RRP12: variants seen among roughly 807,000 people sequenced by gnomAD.
The protein encoded by RRP12 is RRP12-like protein.
A neutral mutation model predicts 157.3 loss-of-function variants in RRP12; 78 were observed. The observed-to-expected ratio is 0.50, with a 90% confidence interval of 0.41 to 0.60. The LOEUF (loss-of-function observed/expected upper bound fraction) is 0.60, where lower values mean the gene tolerates loss of function less well. Among genes scored for constraint, RRP12 ranks in the 20% least tolerant of loss-of-function variants. The pLI, the probability that RRP12 is intolerant of heterozygous loss-of-function variation, is 0.00. For missense variants in RRP12, 1,521 were observed against 1,679.9 expected, an observed-to-expected ratio of 0.91 and a Z score of 1.65; for synonymous variants, 726 against 670.9, an observed-to-expected ratio of 1.08 and a Z score of -1.27.
rs749282608 is a variant in RRP12 at position 97,357,068 on chromosome 10, A to G, written c.*26T>C. ...GGCTGAAAGGGCCTCAGACTGGACC[A>G]CAGGGCAGCCCAGGGGCCCTGGGCC... On this transcript the variant is annotated 3_prime_UTR_variant, in exon 34 of 34. Coordinates refer to ENST00000370992, the MANE Select transcript of RRP12 (RefSeq NM_015179.4). The G allele has an allele frequency of 2.7e-6, 4 of 1,455,238 alleles. No individual in the cohort carries two copies. Among genetic ancestry groups the G allele is most frequent in the South Asian group, 2.3e-5 (2 of 86,972 alleles). 90.1% of individuals were successfully genotyped at this position (1,455,238 alleles called of 1,614,324 possible). A position where few individuals can be genotyped will look rare whatever the true frequency, so the allele number is the denominator to read the frequency against.
chr10:97,382,882 C>T (rs1470002739), intron 10 of RRP12, among the ~76,000 whole-genome samples: 1 of 152,072 alleles, frequency 6.6e-6, no homozygotes, highest in Non-Finnish European at 1.5e-5. Context: ...GTGCCTCAGC[C>T]TCCCAAGTAG....
At chr10:97,360,498 A>C in intron 31 of RRP12, 48 bp downstream of exon 31, 1 of 1,447,340 alleles carries the variant, frequency 6.9e-7, no homozygotes, top group Non-Finnish European at 9.7e-7. Flanking sequence ...TCCCTAATGC[A>C]GGTGACAGGG....
At chr10:97,372,866 T>C (rs1438458596) in intron 18 of RRP12, 63 bp from the exon 19 acceptor site, 54 of 1,502,054 alleles carry the variant, frequency 3.6e-5, no homozygotes, top group Non-Finnish European at 4.7e-5. Context: ...AAAGCAGCAA[T>C]GGCAGCAGTC....
At chr10:97,392,031 G>T (rs1844821263) in intron 4 of RRP12, among the ~76,000 whole-genome samples, 1 of 151,138 alleles carries the variant, frequency 6.6e-6, no homozygotes, top group South Asian at 2.1e-4. Flanking sequence ...TGGAGACAGG[G>T]TCTCACTCGT....
intron 8 of RRP12, 41 bp from the exon 9 acceptor site, chr10:97,386,034 C>G (rs1298119759): frequency 7.1e-7 from 1 of 1,401,098 alleles, no homozygotes; most frequent in Non-Finnish European, 9.9e-7. Flanking sequence ...ACTACAAAGC[C>G]CACGGCTGGC....
At chr10:97,376,902 C>T (rs1342234766) in intron 15 of RRP12, among the ~76,000 whole-genome samples, 2 of 145,796 alleles carry the variant, frequency 1.4e-5, no homozygotes, top group African/African-American at 2.5e-5. Context: ...TTTTTTGAGA[C>T]AGAGTCTCGC....
In RRP12 at chr10:97,367,475, G is replaced by A. The variant is rs976409361; in HGVS notation, c.2956-343C>T. ...CCCCCTATTTATAGAAGAGGACACG[G>A]CGGCACAGAGGATAAAGTGTTTGCT... On this transcript the variant is annotated intron_variant, in intron 25 of 33. Coordinates refer to ENST00000370992, the MANE Select transcript of RRP12 (RefSeq NM_015179.4). 116 of 319,072 alleles carry A rather than the reference G, an allele frequency of 3.6e-4. No individual in the cohort carries two copies. In the Middle Eastern group the frequency reaches 8.0e-3, roughly 22 times the overall value. The allele number at this position is 319,072 out of a possible 1,614,324, so 19.8% of individuals were successfully genotyped here.
chr10:97,387,744 C>A (rs1221300886), intron 8 of RRP12, among the ~76,000 whole-genome samples: 2 of 151,642 alleles, frequency 1.3e-5, no homozygotes, highest in Non-Finnish European at 2.9e-5. Context: ...AGTTCAAGAC[C>A]AGCCTGATCA....
At chr10:97,386,027 A>G in intron 8 of RRP12, 34 bp from the exon 9 acceptor site, 1 of 1,441,032 alleles carries the variant, frequency 6.9e-7, no homozygotes, top group Non-Finnish European at 9.6e-7. Context: ...GAAAGGAACT[A>G]CAAAGCCCAC....
intron 33 of RRP12, among the ~76,000 whole-genome samples, chr10:97,357,838 A>G (rs1281148032): frequency 6.6e-6 from 1 of 152,016 alleles, no homozygotes; most frequent in Non-Finnish European, 1.5e-5. Context: ...GGGTGCCTGT[A>G]GTCCCAGCTA....
At chr10:97,394,216 G>A (rs1373863088) in intron 3 of RRP12, among the ~76,000 whole-genome samples, 22 of 152,178 alleles carry the variant, frequency 1.4e-4, no homozygotes, top group Admixed American at 1.0e-3. Flanking sequence ...GGTGGCGGGC[G>A]CCTGTAGTCC....
chr10:97,384,836 C>T (rs1245751182), intron 10 of RRP12, among the ~76,000 whole-genome samples: 3 of 147,638 alleles, frequency 2.0e-5, no homozygotes, highest in Admixed American at 6.8e-5. Context: ...GCAGCTAGGA[C>T]GGAGACCCTA....
chr10:97,365,414 C>T (rs941705760), intron 29 of RRP12, among the ~76,000 whole-genome samples: 7 of 149,808 alleles, frequency 4.7e-5, no homozygotes, highest in South Asian at 2.1e-4. Flanking sequence ...GCTGGGACTA[C>T]AGGCGCCCGC....
At chr10:97,359,633 G>A (rs1037476504) in intron 31 of RRP12, among the ~76,000 whole-genome samples, 2 of 152,190 alleles carry the variant, frequency 1.3e-5, no homozygotes, top group African/African-American at 4.8e-5. Context: ...TCTCTGAGAC[G>A]ACCAACACGA....
chr10:97,386,424 C>T (rs1405426481), intron 8 of RRP12, among the ~76,000 whole-genome samples: 1 of 151,966 alleles, frequency 6.6e-6, no homozygotes, highest in Non-Finnish European at 1.5e-5. Context: ...AAATTCCTTG[C>T]CTCCTGCCTT....
chr10:97,364,487 G>A (rs1235210026), intron 29 of RRP12, among the ~76,000 whole-genome samples: 1 of 152,234 alleles, frequency 6.6e-6, no homozygotes, highest in African/African-American at 2.4e-5. Context: ...GGGAGGCCGA[G>A]GAGGGAGGAT....
At chr10:97,391,844 C>A (rs1399990556) in intron 4 of RRP12, among the ~76,000 whole-genome samples, 1 of 151,956 alleles carries the variant, frequency 6.6e-6, no homozygotes, top group African/African-American at 2.4e-5. Context: ...CGGTGTGAAC[C>A]CAGGAGGTGG....
rs1485531482 is a variant in RRP12, at chr10:97,388,601, T to C, written c.777A>G (p.Gly259=). The change falls in exon 7 of 34, where the codon GGA becomes GGG. Residue 259 remains glycine, a synonymous_variant. Transcript: ENST00000370992. ...KPKIRKAAQH[G]VCSVLKGSEF... ...CACTGCCCTTGAGGACTGAGCATAC[T>C]CCATGCTGGGCAGCCTTCCGGATCT... 1.9e-6 allele frequency: 3 copies of C among 1,614,012 alleles called. No homozygotes were observed. Among genetic ancestry groups the C allele is most frequent in the Non-Finnish European group, 1.7e-6 (2 of 1,180,030 alleles).
chr10:97,359,078 C>A (rs1843781390), intron 31 of RRP12, 68 bp from the exon 32 acceptor site: 1 of 1,238,712 alleles, frequency 8.1e-7, no homozygotes, highest in Non-Finnish European at 1.2e-6. Flanking sequence ...AGGCAATGGG[C>A]ACCCTCTCTG....
Sources: allele counts gnomAD v4.1 joint callset (sites outside exome capture counted in the v4.1 genomes callset), GRCh38; gene constraint gnomAD v4.1.1; transcripts MANE v1.5; gene names NCBI Gene and HGNC (gene_info 2026-07-23, HGNC 2026-07-21).